LRRN1: variants seen among roughly 807,000 people sequenced by gnomAD.
LRRN1 encodes the protein leucine-rich repeat neuronal protein 1.
In LRRN1, 14 loss-of-function variants were observed where a neutral mutation model predicts 45.8. The observed-to-expected ratio is 0.31, with a 90% CI of 0.20 to 0.48. The LOEUF is 0.48. LRRN1 is among the 20% of genes least tolerant of loss of function. LRRN1 has a pLI of 0.99. For missense variants in LRRN1, 789 were observed against 874.2 expected, an observed-to-expected ratio of 0.90 and a Z score of 1.23; for synonymous variants, 359 against 330.1, an observed-to-expected ratio of 1.09 and a Z score of -0.95.
At chr3:3,802,246 C>G (rs1559276875) in intron 1 of LRRN1, among the ~76,000 whole-genome samples, 1 of 152,204 alleles carries the variant, frequency 6.6e-6, no homozygotes, top group Non-Finnish European at 1.5e-5. Flanking sequence ...CTGTTCACCT[C>G]TTGGCGTTGT....
chr3:3,816,376 A>G lies in LRRN1; in HGVS notation c.-279+16457A>G, dbSNP rs1692987412. On this transcript the variant is annotated intron_variant, in intron 1 of 1. Coordinates refer to ENST00000319331, the MANE Select transcript of LRRN1 (RefSeq NM_020873.7). This position sits in a 1 kb window ranked among gnomAD's most constrained non-coding sequence, Gnocchi z 4.0. ...AAAATCTACAATAAGAAACTCTTTC[A>G]AATTCAGGGATGTAACTTTCACCTG... Among the ~76,000 whole-genome samples the G allele has an allele frequency of 1.3e-5, 2 of 152,198 alleles. No individual in the cohort carries two copies. Among genetic ancestry groups the G allele is most frequent in the Admixed American group, 6.5e-5 (1 of 15,280 alleles).
At chr3:3,842,037 T>C (rs1693663333) in intron 1 of LRRN1, among the ~76,000 whole-genome samples, 1 of 152,190 alleles carries the variant, frequency 6.6e-6, no homozygotes, top group Non-Finnish European at 1.5e-5. Flanking sequence ...TTATATGATA[T>C]ACCCTATTGC....
At chr3:3,825,951 T>C (rs530957660) in intron 1 of LRRN1, among the ~76,000 whole-genome samples, 6 of 152,320 alleles carry the variant, frequency 3.9e-5, no homozygotes, top group South Asian at 2.1e-4. Flanking sequence ...TTTATACTTA[T>C]ATTCAGAGGT....
chr3:3,811,781 G>T (rs543517077), intron 1 of LRRN1, among the ~76,000 whole-genome samples: 7 of 152,292 alleles, frequency 4.6e-5, no homozygotes, highest in Admixed American at 2.0e-4. Context: ...AAATGTACAT[G>T]GTGTTATTTC....
At chr3:3,836,926 G>T (rs532678349) in intron 1 of LRRN1, among the ~76,000 whole-genome samples, 27 of 152,292 alleles carry the variant, frequency 1.8e-4, no homozygotes, top group African/African-American at 6.0e-4. Context: ...GTGTACCTGT[G>T]TTGGGCCAAA....
chr3:3,832,090 A>G (rs1338972759), intron 1 of LRRN1, among the ~76,000 whole-genome samples: 1 of 152,230 alleles, frequency 6.6e-6, no homozygotes, highest in Non-Finnish European at 1.5e-5. Flanking sequence ...GCTCATGATA[A>G]TCTGCTGTCA....
At chr3:3,839,407 T>C (rs1693597283) in intron 1 of LRRN1, among the ~76,000 whole-genome samples, 1 of 152,184 alleles carries the variant, frequency 6.6e-6, no homozygotes, top group Non-Finnish European at 1.5e-5. Context: ...TTACAGTATG[T>C]ATTGAAATCA....
At chr3:3,826,475 G>A (rs573491240) in intron 1 of LRRN1, among the ~76,000 whole-genome samples, 1 of 152,096 alleles carries the variant, frequency 6.6e-6, no homozygotes, top group Non-Finnish European at 1.5e-5. Flanking sequence ...TCTGTTGCCT[G>A]GCCTATTGAG....
chr3:3,844,331 T>C (rs981704158), intron 1 of LRRN1, 33 bp from the exon 2 acceptor site: 3 of 257,534 alleles, frequency 1.2e-5, no homozygotes, highest in Admixed American at 4.9e-5. Flanking sequence ...GTATATGGAA[T>C]AAGCATAACA....
At chr3:3,838,801 T>C (rs895294804) in intron 1 of LRRN1, among the ~76,000 whole-genome samples, 1 of 152,166 alleles carries the variant, frequency 6.6e-6, no homozygotes, top group African/African-American at 2.4e-5. Flanking sequence ...TTTCATATGC[T>C]TGTGGGTCAT....
intron 1 of LRRN1, among the ~76,000 whole-genome samples, chr3:3,802,352 T>C (rs554893250): frequency 5.9e-5 from 9 of 152,174 alleles, no homozygotes; most frequent in Admixed American, 2.0e-4. Context: ...GCCTCTTCTT[T>C]TGTCAACCTC....
Position 3,845,679 on chromosome 3 carries a change from C to G in LRRN1, c.1038C>G (p.Asn346Lys). 1 of 1,614,080 alleles carries G rather than the reference C, an allele frequency of 6.2e-7. No individual in the cohort carries two copies. Among genetic ancestry groups the G allele is most frequent in the African/African-American group, 1.3e-5 (1 of 75,026 alleles). Residue 346 changes from asparagine (N) to lysine (K), a missense_variant, in exon 2 of 2, where the codon AAC becomes AAG. Asn to Lys is a moderately conservative substitution (Grantham distance 94). Coordinates refer to ENST00000319331, the MANE Select transcript of LRRN1 (RefSeq NM_020873.7). This position sits in a 1 kb window ranked among gnomAD's most constrained non-coding sequence, Gnocchi z 6.5. The part of the protein sequence containing the change: ...VPALESLMLN[N>K]NALNAIYQKT... ...CTCTGGAAAGCTTGATGCTGAACAA[C>G]AATGCCTTGAATGCCATTTACCAAA...
chr3:3,846,846 A>G lies in LRRN1; in HGVS notation c.*54A>G. 1.4e-6 allele frequency: 2 copies of G among 1,416,010 alleles called. No homozygotes were observed. The highest frequency in any genetic ancestry group is 2.7e-5 in the South Asian group (2 of 72,918). 87.7% of individuals were successfully genotyped at this position (1,416,010 alleles called of 1,614,324 possible). Reference sequence around the variant, plus strand: ...AGGAGCACAAAGACGTTTTTGCTTTATTCTGCAAAAGTGAACAAGTTGAAG... The same window carrying G: ...AGGAGCACAAAGACGTTTTTGCTTTGTTCTGCAAAAGTGAACAAGTTGAAG... On this transcript the variant is annotated 3_prime_UTR_variant, in exon 2 of 2. Coordinates refer to ENST00000319331, the MANE Select transcript of LRRN1 (RefSeq NM_020873.7). This position sits in a 1 kb window ranked among gnomAD's most constrained non-coding sequence, Gnocchi z 5.7.
intron 1 of LRRN1, among the ~76,000 whole-genome samples, chr3:3,814,183 C>G (rs1420807212): frequency 6.8e-6 from 1 of 147,210 alleles, no homozygotes; most frequent in African/African-American, 2.5e-5. Context: ...CAGTTTCTCC[C>G]TATCTAGTGT....
rs1693254321 is a variant in LRRN1, at chr3:3,827,664, A to AT, written c.-278-16698dup. Among the ~76,000 whole-genome samples, 3 of 152,218 alleles carry AT rather than the reference A, an allele frequency of 2.0e-5. No homozygotes were observed. The South Asian group carries it at 6.2e-4, about 32-fold the overall frequency. ...GCTAAAAGAATGATGTTTTTTGAAC[A>AT]TTATCTACATGATATGGATTTGGCC... On this transcript the variant is annotated intron_variant, in intron 1 of 1. Coordinates refer to ENST00000319331, the MANE Select transcript of LRRN1 (RefSeq NM_020873.7).
intron 1 of LRRN1, among the ~76,000 whole-genome samples, chr3:3,821,844 G>A (rs1244730686): frequency 1.3e-5 from 2 of 152,202 alleles, no homozygotes; most frequent in Non-Finnish European, 2.9e-5. Context: ...AATTGATTCA[G>A]CTAGCTGTTT....
chr3:3,830,628 G>T (rs1380577507), intron 1 of LRRN1, among the ~76,000 whole-genome samples: 1 of 152,232 alleles, frequency 6.6e-6, no homozygotes, highest in African/African-American at 2.4e-5. Flanking sequence ...GCAGGCTGGG[G>T]GAGAGAAGGC....
intron 1 of LRRN1, among the ~76,000 whole-genome samples, chr3:3,812,273 TGAA>T (rs1407957891): frequency 3.3e-5 from 5 of 152,136 alleles, no homozygotes; most frequent in Admixed American, 6.5e-5. Context: ...TTAAGTCCAG[TGAA>T]GAAGAAGTAC....
In LRRN1 at chr3:3,805,749, C is replaced by T. The variant is rs537379042; in HGVS notation, c.-279+5830C>T. Among the ~76,000 whole-genome samples, 19 of 152,268 alleles carry T rather than the reference C, an allele frequency of 1.2e-4. No homozygotes were observed. The South Asian group carries it at 3.5e-3, about 28-fold the overall frequency. ...CCTAGCATTGACAGTTTCTCACCAC[C>T]TCACCTGGGCCCGCTTGAGGGGAAA... On this transcript the variant is annotated intron_variant, in intron 1 of 1. Coordinates refer to ENST00000319331, the MANE Select transcript of LRRN1 (RefSeq NM_020873.7).
Sources: gnomAD v4.1 joint callset for allele counts (sites outside exome capture counted in the v4.1 genomes callset) on GRCh38, gnomAD v4.1.1 for gene constraint, Gnocchi (gnomAD v3.1) non-coding constraint, MANE v1.5 for transcripts, NCBI Gene and HGNC (gene_info 2026-07-23, HGNC 2026-07-21) for gene names.